The following PRR5L variants were observed in gnomAD, a reference collection of about 807,000 sequenced individuals.
PRR5L encodes proline rich 5 like.
PRR5L carries 21 observed loss-of-function variants against 36.4 expected under a neutral mutation model. The observed-to-expected ratio is 0.58, with a 90% CI of 0.41 to 0.83. The LOEUF (loss-of-function observed/expected upper bound fraction) is 0.83, where lower values mean the gene tolerates loss of function less well. Ranked by LOEUF, PRR5L falls within the 40% of genes least tolerant of loss-of-function variation. PRR5L has a pLI of 0.00. For synonymous variants in PRR5L, 188 were observed against 197.0 expected (o/e 0.95, Z 0.38); for missense variants, 381 against 473.3 (o/e 0.80, Z 1.81).
At chr11:36,423,254 C>T (rs549713876) in intron 4 of PRR5L, among the ~76,000 whole-genome samples, 27 of 152,136 alleles carry the variant, frequency 1.8e-4, no homozygotes, top group African/African-American at 3.4e-4. Flanking sequence ...TGTATGTGTA[C>T]GTGTGTGTGC....
chr11:36,311,692 A>G (rs1289364148), intron 1 of PRR5L, among the ~76,000 whole-genome samples: 7 of 152,142 alleles, frequency 4.6e-5, no homozygotes, highest in Non-Finnish European at 8.8e-5. Context: ...ATCTTTTCAC[A>G]CAGGGGCTTT....
chr11:36,324,155 A>G (rs1328276095), intron 1 of PRR5L, among the ~76,000 whole-genome samples: 1 of 152,224 alleles, frequency 6.6e-6, no homozygotes, highest in African/African-American at 2.4e-5. Context: ...ATGCCTCAGT[A>G]ACAAGATAAT....
intron 8 of PRR5L, among the ~76,000 whole-genome samples, chr11:36,455,714 A>T (rs1254451942): frequency 6.6e-6 from 1 of 152,158 alleles, no homozygotes; most frequent in Non-Finnish European, 1.5e-5. Flanking sequence ...GGAGGAGAAC[A>T]AGAAGCAAGA....
At chr11:36,416,978 G>C (rs575996357) in intron 3 of PRR5L, among the ~76,000 whole-genome samples, 107 of 152,262 alleles carry the variant, frequency 7.0e-4, no homozygotes, top group Middle Eastern at 3.4e-3. Flanking sequence ...CCTCCGTGCT[G>C]CTCTCCAGGA....
chr11:36,397,067 CTT>C (rs11300346), intron 1 of PRR5L, among the ~76,000 whole-genome samples: 17 of 130,618 alleles, frequency 1.3e-4, no homozygotes, highest in South Asian at 2.5e-4. Flanking sequence ...GTTTTCTTTT[CTT>C]TTTTTTTTTT....
At position 36,341,233 on chromosome 11, in the gene PRR5L, G is replaced by T. The variant is rs2133480593; in HGVS notation, c.-126+44795G>T. 1.3e-5 allele frequency among the ~76,000 whole-genome samples: 2 copies of T among 152,266 alleles called. 1 individual carries two copies. Among genetic ancestry groups the T allele is most frequent in the East Asian group, 3.9e-4 (2 of 5,182 alleles). ...CACACAGAGAGAGATTAATTTGGGG[G>T]CAGGGTTACTTGCCTGGCAGCCATG... On this transcript the variant is annotated intron_variant, in intron 1 of 8. Coordinates refer to ENST00000530639, the MANE Select transcript of PRR5L (RefSeq NM_001160167.2).
rs768079990 is a variant in PRR5L, at chr11:36,462,411, G to A, written c.782G>A (p.Ser261Asn). ...LNYASPITAVSRPLNEMVLTP... is the reference protein window; with the variant it reads ...LNYASPITAVNRPLNEMVLTP... Reference sequence around the variant, plus strand: ...TATGCCTCCCCGATAACCGCAGTCAGCCGGCCACTGAATGAGATGGTCTTG... The same window carrying A: ...TATGCCTCCCCGATAACCGCAGTCAACCGGCCACTGAATGAGATGGTCTTG... Residue 261 changes from serine (S) to asparagine (N), a missense_variant, in exon 9 of 9, where the codon AGC (serine) becomes AAC (asparagine). By Grantham distance (46) the Ser-to-Asn change is conservative. Transcript: ENST00000530639. 9.5e-6 allele frequency: 15 copies of A among 1,575,008 alleles called. No individual in the cohort carries two copies. Among genetic ancestry groups the A allele is most frequent in the Non-Finnish European group, 1.1e-5 (13 of 1,158,038 alleles).
intron 3 of PRR5L, among the ~76,000 whole-genome samples, chr11:36,405,280 T>A (rs1009540859): frequency 6.6e-6 from 1 of 152,254 alleles, no homozygotes; most frequent in Non-Finnish European, 1.5e-5. Flanking sequence ...GGCCCACTGA[T>A]ACATCTCTTA....
At chr11:36,347,509 G>T (rs1033976453) in intron 1 of PRR5L, among the ~76,000 whole-genome samples, 18 of 152,100 alleles carry the variant, frequency 1.2e-4, no homozygotes, top group African/African-American at 4.3e-4. Flanking sequence ...GGGGTGCTGA[G>T]TTGTAAGGCA....
intron 8 of PRR5L, among the ~76,000 whole-genome samples, chr11:36,456,063 G>C (rs188789529): frequency 6.6e-6 from 1 of 152,142 alleles, no homozygotes; most frequent in Non-Finnish European, 1.5e-5. Context: ...TGGAAACCAC[G>C]AGAGCTGGGG....
intron 1 of PRR5L, 137 bp from the exon 2 acceptor site, chr11:36,400,860 A>C: frequency 1.8e-6 from 1 of 554,952 alleles, no homozygotes; most frequent in East Asian, 4.1e-5. Flanking sequence ...GTGAATGGGA[A>C]CCTGCCAGGG....
intron 1 of PRR5L, among the ~76,000 whole-genome samples, chr11:36,302,953 C>T (rs549992446): frequency 1.5e-3 from 232 of 152,296 alleles, no homozygotes; most frequent in African/African-American, 5.2e-3. Context: ...ATGAGAGAAG[C>T]CAGCCAAGGC....
chr11:36,446,517 G>A (rs879034825), intron 7 of PRR5L, 77 bp downstream of exon 7: 5 of 1,568,340 alleles, frequency 3.2e-6, no homozygotes, highest in Non-Finnish European at 3.5e-6. Context: ...AGATGAGGGG[G>A]AAGGAACCTA....
At position 36,351,571 on chromosome 11, in the gene PRR5L, TTATATAAATATATA is replaced by T. The variant is rs1565408690; in HGVS notation, c.-125-49424_-125-49411del. Among the ~76,000 whole-genome samples the T allele has an allele frequency of 5.8e-4, 16 of 27,502 alleles. 1 individual carries two copies. Among genetic ancestry groups the T allele is most frequent in the African/African-American group, 2.2e-3 (12 of 5,512 alleles). 18.0% of individuals were successfully genotyped at this position (27,502 alleles called of 152,430 possible). A position where few individuals can be genotyped will look rare whatever the true frequency, so the allele number is the denominator to read the frequency against. On this transcript the variant is annotated intron_variant, in intron 1 of 8. Transcript: ENST00000530639. Reference sequence around the variant, plus strand: ...TATATATATTTATATATTTATATATTTATATAAATATATATTTATATATTTATATAAATATATAT... The same window carrying T: ...TATATATATTTATATATTTATATATTTTTATATATTTATATAAATATATAT...
At chr11:36,366,664 C>T (rs1857147024) in intron 1 of PRR5L, among the ~76,000 whole-genome samples, 1 of 152,160 alleles carries the variant, frequency 6.6e-6, no homozygotes, top group South Asian at 2.1e-4. Context: ...ATGTAGTTAG[C>T]ATGAGTTAAT....
chr11:36,444,365 TA>T (rs1858785015), intron 6 of PRR5L, among the ~76,000 whole-genome samples: 1 of 152,198 alleles, frequency 6.6e-6, no homozygotes, highest in South Asian at 2.1e-4. Context: ...AGAATATAAA[TA>T]AAAACCTCAA....
intron 3 of PRR5L, 54 bp from the exon 4 acceptor site, chr11:36,419,201 G>A: frequency 6.4e-7 from 1 of 1,560,926 alleles, no homozygotes; most frequent in Non-Finnish European, 8.8e-7. Flanking sequence ...TTGTCACCAT[G>A]AGCTGTACCA....
intron 1 of PRR5L, among the ~76,000 whole-genome samples, chr11:36,372,397 G>A (rs1857206622): frequency 6.6e-6 from 1 of 152,000 alleles, no homozygotes; most frequent in South Asian, 2.1e-4. Flanking sequence ...TCTCAGGGAG[G>A]GCCTCTGCTT....
intron 4 of PRR5L, among the ~76,000 whole-genome samples, chr11:36,429,010 C>T (rs559235399): frequency 6.6e-6 from 1 of 152,014 alleles, no homozygotes; most frequent in Non-Finnish European, 1.5e-5. Flanking sequence ...TTTATCATTT[C>T]TCCATAATAT....
Sources: gnomAD v4.1 joint callset for allele counts (sites outside exome capture counted in the v4.1 genomes callset) on GRCh38, gnomAD v4.1.1 for gene constraint, MANE v1.5 for transcripts, NCBI Gene and HGNC (gene_info 2026-07-23, HGNC 2026-07-21) for gene names.